EFCAB5: variants seen among roughly 807,000 people sequenced by gnomAD.
EFCAB5 encodes the protein EF-hand calcium binding domain 5.
EFCAB5 carries 131 observed loss-of-function variants against 167.9 expected under a neutral mutation model. The observed-to-expected ratio is 0.78, with a 90% CI of 0.68 to 0.90. EFCAB5 has a LOEUF of 0.90. Ranked by LOEUF, EFCAB5 falls within the 40% of genes least tolerant of loss-of-function variation. The probability of loss-of-function intolerance (pLI) is 0.00; values close to 1 mark genes in which losing one functional copy is unlikely to be tolerated. For synonymous variants in EFCAB5, 574 were observed against 602.8 expected (o/e 0.95, Z 0.70); for missense variants, 1,663 against 1,745.2 (o/e 0.95, Z 0.84).
chr17:30,005,913 T>A (rs2068764545), intron 7 of EFCAB5, among the ~76,000 whole-genome samples: 1 of 152,228 alleles, frequency 6.6e-6, no homozygotes. Context: ...TTCTGCTGAC[T>A]CCAAGTTTTA....
chr17:30,063,526 A>G (rs1200237432), intron 14 of EFCAB5, among the ~76,000 whole-genome samples: 1 of 152,174 alleles, frequency 6.6e-6, no homozygotes, highest in East Asian at 1.9e-4. Flanking sequence ...CCTGGGCTCA[A>G]GCTGCTAGGG....
intron 3 of EFCAB5, among the ~76,000 whole-genome samples, chr17:29,952,672 T>C (rs2067535887): frequency 6.6e-6 from 1 of 152,056 alleles, no homozygotes; most frequent in African/African-American, 2.4e-5. Context: ...AAATTTTTTA[T>C]GAAATTAAAA....
upstream of EFCAB5, among the ~76,000 whole-genome samples, chr17:29,937,226 G>A (rs528693471): frequency 7.0e-4 from 106 of 151,256 alleles, 1 homozygote; most frequent in Middle Eastern, 3.4e-3. Context: ...GACTCCTGTC[G>A]CCCAGGCTGG....
At chr17:29,989,372 G>T (rs935581160) in intron 4 of EFCAB5, among the ~76,000 whole-genome samples, 3 of 152,186 alleles carry the variant, frequency 2.0e-5, no homozygotes, top group African/African-American at 7.2e-5. Context: ...AGGTTCAATT[G>T]CTTGACCTAC....
rs137884918 is a variant in EFCAB5 at position 29,971,024 on chromosome 17, G to A, written c.767+1657G>A. On this transcript the variant is annotated intron_variant, in intron 4 of 22. Transcript: ENST00000394835. ...TGGGAGGCGGAGGCTGCAGTGAGCC[G>A]AGATGCACCACTACACTCCAGCCTG... Among the ~76,000 whole-genome samples, 620 of 147,304 alleles carry A rather than the reference G, an allele frequency of 4.2e-3. 5 individuals are homozygous for A. Among genetic ancestry groups the A allele is most frequent in the African/African-American group, 0.015 (585 of 39,982 alleles).
chr17:29,932,198 T>C (rs1219532365), intron 1 of EFCAB5, among the ~76,000 whole-genome samples: 5 of 150,732 alleles, frequency 3.3e-5, no homozygotes, highest in Non-Finnish European at 5.9e-5. Context: ...CCACCCAGGC[T>C]GGAGTGCAGT....
intron 18 of EFCAB5, 94 bp downstream of exon 18, chr17:30,083,137 A>G (rs1160118052): frequency 1.1e-5 from 16 of 1,425,514 alleles, no homozygotes; most frequent in East Asian, 7.8e-5. Flanking sequence ...TTAATTAGCT[A>G]TTAGTCTAAA....
intron 8 of EFCAB5, 140 bp downstream of exon 8, chr17:30,034,525 C>T (rs2069567369): frequency 5.4e-6 from 5 of 918,582 alleles, no homozygotes; most frequent in Non-Finnish European, 7.9e-6. Flanking sequence ...ATGGTGAAAC[C>T]CCATATCTAC....
Position 30,059,697 on chromosome 17 carries a change from G to A in EFCAB5, c.2733G>A (p.Lys911=). ...YKEGMEKESM[K]KAKLHIQFPK... ...AGGGAATGGAAAAAGAATCTATGAA[G>A]AAAGGTAAAATATAAGAATGTTCTT... The change falls in exon 14 of 23, where the codon AAG becomes AAA. Residue 911 remains lysine (K), a synonymous_variant. Transcript: ENST00000394835. 6.3e-7 allele frequency: 1 copy of A among 1,589,854 alleles called. No homozygotes were observed. Among genetic ancestry groups the A allele is most frequent in the Non-Finnish European group, 8.6e-7 (1 of 1,167,980 alleles).
intron 15 of EFCAB5, among the ~76,000 whole-genome samples, chr17:30,079,153 A>G (rs1020380379): frequency 7.9e-5 from 12 of 152,218 alleles, no homozygotes; most frequent in Admixed American, 7.2e-4. Context: ...TCTCAGCTAA[A>G]TAGCGATACT....
In EFCAB5 at chr17:30,078,290, A is replaced by G. The variant is rs757922214; in HGVS notation, c.2813A>G (p.Tyr938Cys). The G allele has an allele frequency of 6.2e-7, 1 of 1,613,908 alleles. No homozygotes were observed. The change falls in exon 15 of 23, where the codon TAC becomes TGC. Residue 938 changes from tyrosine to cysteine, a missense_variant. Physicochemically the swap from Tyr to Cys is radical, Grantham distance 194. Transcript: ENST00000394835. ...VRLSSKQFQN[Y>C]IELVVSELRG... ...TTGTCTTCAAAACAATTTCAGAATT[A>G]CATAGAATTGGTTGTGTCTGAACTC...
intron 4 of EFCAB5, among the ~76,000 whole-genome samples, chr17:29,979,393 C>G (rs953176147): frequency 1.3e-5 from 2 of 152,060 alleles, no homozygotes; most frequent in Non-Finnish European, 2.9e-5. Context: ...AGCTTGGAGG[C>G]ATTCTATCTG....
intron 7 of EFCAB5, among the ~76,000 whole-genome samples, chr17:30,009,059 T>C (rs765673351): frequency 2.3e-4 from 35 of 152,246 alleles, no homozygotes; most frequent in Non-Finnish European, 4.7e-4. Context: ...TTTCTTCTCC[T>C]GTCTGAGAAA....
At chr17:30,069,262 A>G in intron 14 of EFCAB5, 1 of 1,516,754 alleles carries the variant, frequency 6.6e-7, no homozygotes, top group Non-Finnish European at 9.2e-7. Context: ...CTGAAAGACA[A>G]CCTGAATTGG....
chr17:30,018,000 A>G (rs1023684670), intron 7 of EFCAB5, among the ~76,000 whole-genome samples: 2 of 152,174 alleles, frequency 1.3e-5, no homozygotes, highest in Non-Finnish European at 2.9e-5. Context: ...AGTTTTTTAA[A>G]GAAGATCACA....
intron 4 of EFCAB5, among the ~76,000 whole-genome samples, chr17:29,992,053 C>G (rs1001460698): frequency 6.6e-6 from 1 of 152,154 alleles, no homozygotes; most frequent in African/African-American, 2.4e-5. Context: ...GAAATTTACT[C>G]TCAGCAATTT....
intron 4 of EFCAB5, among the ~76,000 whole-genome samples, chr17:29,992,950 C>T (rs1356048783): frequency 1.3e-5 from 2 of 152,132 alleles, no homozygotes; most frequent in African/African-American, 4.8e-5. Flanking sequence ...ATAAGGCCTA[C>T]CTCTATAAAA....
chr17:30,038,959 C>A (rs988710858), intron 8 of EFCAB5, among the ~76,000 whole-genome samples: 1 of 152,142 alleles, frequency 6.6e-6, no homozygotes, highest in African/African-American at 2.4e-5. Context: ...GACCGAGACC[C>A]ACCTGGTGTG....
intron 7 of EFCAB5, among the ~76,000 whole-genome samples, chr17:30,004,971 G>A (rs2068745737): frequency 1.3e-5 from 2 of 151,734 alleles, no homozygotes; most frequent in Non-Finnish European, 2.9e-5. Flanking sequence ...CCAGCCTCTA[G>A]AGCTGTAAGA....
Sources: gnomAD v4.1 joint callset for allele counts (sites outside exome capture counted in the v4.1 genomes callset) on GRCh38, gnomAD v4.1.1 for gene constraint, MANE v1.5 for transcripts, NCBI Gene and HGNC (gene_info 2026-07-23, HGNC 2026-07-21) for gene names.